ARL15: variants seen among roughly 807,000 people sequenced by gnomAD.
ARL15 encodes the protein ADP-ribosylation factor-like protein 15.
Under a neutral mutation model 25.2 loss-of-function variants are expected in ARL15, and 19 were observed. That is an observed-to-expected ratio of 0.75 (90% CI 0.53 to 1.10). ARL15 has a LOEUF of 1.10. ARL15 is among the 50% of genes least tolerant of loss of function. The pLI is 0.00. For synonymous variants in ARL15, 94 were observed against 86.8 expected (o/e 1.08, Z -0.46); for missense variants, 220 against 246.0 (o/e 0.89, Z 0.71).
Position 53,950,821 on chromosome 5 carries a change from C to T in ARL15, c.463-64108G>A, listed in dbSNP as rs148415529. On this transcript the variant is annotated intron_variant, in intron 4 of 4. Transcript: ENST00000504924. ...GCATTATGAGTGCTCTAAGGTATTT[C>T]TTGAATAATAACCCAAACTGCAGAG... Among the ~76,000 whole-genome samples the T allele has an allele frequency of 5.3e-5, 8 of 152,264 alleles. No homozygotes were observed. In the East Asian group the frequency reaches 1.5e-3, roughly 29 times the overall value.
At chr5:54,046,607 A>G (rs942028909) in intron 4 of ARL15, among the ~76,000 whole-genome samples, 4 of 152,238 alleles carry the variant, frequency 2.6e-5, no homozygotes, top group African/African-American at 9.6e-5. Flanking sequence ...AGGACATTCT[A>G]TGATTAGCTG....
chr5:54,009,925 G>A (rs1031681935), intron 4 of ARL15, among the ~76,000 whole-genome samples: 1 of 152,082 alleles, frequency 6.6e-6, no homozygotes, highest in Non-Finnish European at 1.5e-5. Flanking sequence ...GGCCACCCTG[G>A]AGGTGAGGTG....
At chr5:54,234,264 T>C (rs1285705518) in intron 1 of ARL15, among the ~76,000 whole-genome samples, 1 of 152,120 alleles carries the variant, frequency 6.6e-6, no homozygotes, top group Non-Finnish European at 1.5e-5. Flanking sequence ...GTGCTGGGAT[T>C]ACAGGCTTGA....
In ARL15 at chr5:54,203,623, T is replaced by C. The variant is rs780431234; in HGVS notation, c.49-31695A>G. Reference sequence around the variant, plus strand: ...TATTTTGGGAGATCTCCATGTCACATACACAAGCTTCTACCTCCCCTCAGT... The same window carrying C: ...TATTTTGGGAGATCTCCATGTCACACACACAAGCTTCTACCTCCCCTCAGT... On this transcript the variant is annotated intron_variant, in intron 1 of 4. Transcript: ENST00000504924. 2.0e-5 allele frequency among the ~76,000 whole-genome samples: 3 copies of C among 152,326 alleles called. No homozygotes were observed. In the East Asian group the frequency reaches 5.8e-4, roughly 29 times the overall value.
intron 4 of ARL15, among the ~76,000 whole-genome samples, chr5:53,993,469 A>AATG (rs1407043413): frequency 6.6e-6 from 1 of 152,164 alleles, no homozygotes; most frequent in Non-Finnish European, 1.5e-5. Context: ...TGATGAAGAT[A>AATG]ATGATGATGA....
intron 4 of ARL15, among the ~76,000 whole-genome samples, chr5:54,062,389 C>G (rs1171766559): frequency 6.6e-6 from 1 of 151,900 alleles, no homozygotes; most frequent in Non-Finnish European, 1.5e-5. Flanking sequence ...TGTCCCCACC[C>G]AAATCTCATG....
intron 4 of ARL15, among the ~76,000 whole-genome samples, chr5:54,063,064 A>G (rs1029489831): frequency 1.3e-5 from 2 of 152,254 alleles, no homozygotes; most frequent in African/African-American, 4.8e-5. Flanking sequence ...ATCATTCTAC[A>G]TAACTTCAAA....
intron 4 of ARL15, among the ~76,000 whole-genome samples, chr5:54,070,714 G>A (rs558981213): frequency 2.0e-5 from 3 of 151,592 alleles, no homozygotes; most frequent in South Asian, 2.1e-4. Context: ...GTGTGGTGGC[G>A]AGCACCTGTA....
At position 54,191,249 on chromosome 5, in the gene ARL15, A is replaced by G. The variant is rs932535373; in HGVS notation, c.49-19321T>C. Among the ~76,000 whole-genome samples, 21 of 152,196 alleles carry G rather than the reference A, an allele frequency of 1.4e-4. 1 individual carries two copies. The highest frequency in any genetic ancestry group is 5.1e-4 in the African/African-American group (21 of 41,462). Reference sequence around the variant, plus strand: ...CACAGTTTGACTCTACTTATATAAGATAGAATTAGTCAAAGTCATAAAGAC... The same window carrying G: ...CACAGTTTGACTCTACTTATATAAGGTAGAATTAGTCAAAGTCATAAAGAC... On this transcript the variant is annotated intron_variant, in intron 1 of 4. Coordinates refer to ENST00000504924, the MANE Select transcript of ARL15 (RefSeq NM_019087.3).
intron 1 of ARL15, among the ~76,000 whole-genome samples, chr5:54,296,270 T>C (rs1758463852): frequency 6.6e-6 from 1 of 152,314 alleles, no homozygotes; most frequent in Non-Finnish European, 1.5e-5. Flanking sequence ...GTACCATAAG[T>C]CCTTGTTTTA....
chr5:54,127,315 C>A lies in ARL15; in HGVS notation c.254-13905G>T, dbSNP rs1753289997. Reference sequence around the variant, plus strand: ...TCCTTAAGCTGATAAGCAACTTCAGCAAAGTCTCAGGATACAAAACCAATA... The same window carrying A: ...TCCTTAAGCTGATAAGCAACTTCAGAAAAGTCTCAGGATACAAAACCAATA... On this transcript the variant is annotated intron_variant, in intron 3 of 4. Coordinates refer to ENST00000504924, the MANE Select transcript of ARL15 (RefSeq NM_019087.3). Among the ~76,000 whole-genome samples, 3 of 152,178 alleles carry A rather than the reference C, an allele frequency of 2.0e-5. No homozygotes were observed. The South Asian group carries it at 6.2e-4, about 31-fold the overall frequency.
intron 4 of ARL15, among the ~76,000 whole-genome samples, chr5:53,934,558 T>C (rs538896355): frequency 1.3e-5 from 2 of 152,222 alleles, no homozygotes; most frequent in African/African-American, 2.4e-5. Context: ...CTTTTCCCTA[T>C]AGTATGTAGG....
intron 4 of ARL15, among the ~76,000 whole-genome samples, chr5:53,967,766 G>T (rs928964046): frequency 2.6e-5 from 4 of 152,142 alleles, no homozygotes; most frequent in African/African-American, 9.7e-5. Context: ...GCGATCAGAA[G>T]CCAGGGGATG....
rs10589852 is a variant in ARL15 at position 53,961,495 on chromosome 5, CAAAAAAAAAAA to C, written c.463-74793_463-74783del. On this transcript the variant is annotated intron_variant, in intron 4 of 4. Coordinates refer to ENST00000504924, the MANE Select transcript of ARL15 (RefSeq NM_019087.3). ...TCTGGGTGACAGAGAGACTCTGTCT[CAAAAAAAAAAA>C]AAAAAAAAAAAAAATCATTCCCATT... Among the ~76,000 whole-genome samples, 598 of 68,930 alleles carry C rather than the reference CAAAAAAAAAAA, an allele frequency of 8.7e-3. 2 individuals carry two copies. The highest frequency in any genetic ancestry group is 0.03 in the African/African-American group (569 of 18,872). 45.2% of individuals were successfully genotyped at this position (68,930 alleles called of 152,430 possible). A position where few individuals can be genotyped will look rare whatever the true frequency, so the allele number is the denominator to read the frequency against.
At chr5:54,289,810 A>T (rs1348418285) in intron 1 of ARL15, among the ~76,000 whole-genome samples, 1 of 152,216 alleles carries the variant, frequency 6.6e-6, no homozygotes, top group Non-Finnish European at 1.5e-5. Context: ...AAATACAGTA[A>T]GCTTCAGATT....
At chr5:53,940,711 G>A (rs1746514981) in intron 4 of ARL15, among the ~76,000 whole-genome samples, 1 of 152,096 alleles carries the variant, frequency 6.6e-6, no homozygotes, top group African/African-American at 2.4e-5. Flanking sequence ...CTTCACTTAT[G>A]CCCATAACTT....
intron 1 of ARL15, among the ~76,000 whole-genome samples, chr5:54,256,733 C>T (rs1000184167): frequency 6.6e-6 from 1 of 151,846 alleles, no homozygotes; most frequent in African/African-American, 2.4e-5. Flanking sequence ...ATCAAACAGA[C>T]AATTCACCAT....
chr5:54,045,988 A>AT (rs1403991711), intron 4 of ARL15, among the ~76,000 whole-genome samples: 1 of 152,260 alleles, frequency 6.6e-6, no homozygotes, highest in African/African-American at 2.4e-5. Flanking sequence ...TTAGAATAAG[A>AT]TTATATCTGT....
At chr5:54,209,632 T>C (rs962597979) in intron 1 of ARL15, among the ~76,000 whole-genome samples, 1 of 152,108 alleles carries the variant, frequency 6.6e-6, no homozygotes, top group African/African-American at 2.4e-5. Flanking sequence ...ACAGCACAAG[T>C]AGTACCATTC....
Sources: allele counts gnomAD v4.1 joint callset (sites outside exome capture counted in the v4.1 genomes callset), GRCh38; gene constraint gnomAD v4.1.1; transcripts MANE v1.5; gene names NCBI Gene and HGNC (gene_info 2026-07-23, HGNC 2026-07-21).